Variants in SLC35F4 observed in about 807,000 individuals in gnomAD.
SLC35F4 encodes solute carrier family 35 member F4.
Under a neutral mutation model 44.2 loss-of-function variants are expected in SLC35F4, and 24 were observed. The observed-to-expected ratio is 0.54, with a 90% CI of 0.39 to 0.76. The LOEUF is 0.76. Ranked by LOEUF, SLC35F4 falls within the 30% of genes least tolerant of loss-of-function variation. The pLI is 0.00. For missense variants in SLC35F4, 562 were observed against 586.1 expected (o/e 0.96, Z 0.42); for synonymous variants, 238 against 223.6 (o/e 1.06, Z -0.57).
chr14:57,937,637 AAAGAAAAG>A (rs1889837694), intron 1 of SLC35F4, among the ~76,000 whole-genome samples: 1 of 134,438 alleles, frequency 7.4e-6, no homozygotes, highest in African/African-American at 3.0e-5. Flanking sequence ...AAAGAAAAGA[AAAGAAAAG>A]AAAAGAAAAA....
rs142879029 is a variant in SLC35F4 at position 57,885,729 on chromosome 14, C to A, written n.282+96184G>T. 9.2e-5 allele frequency among the ~76,000 whole-genome samples: 14 copies of A among 152,300 alleles called. 1 individual carries two copies. Among genetic ancestry groups the A allele is most frequent in the African/African-American group, 3.1e-4 (13 of 41,574 alleles). Reference sequence around the variant, plus strand: ...AACCAACATAGAGCTTTTTTATCATCACAGAATGTTCTATCAGAAAGCGCT... The same window carrying A: ...AACCAACATAGAGCTTTTTTATCATAACAGAATGTTCTATCAGAAAGCGCT... On this transcript the variant is annotated intron_variant and non_coding_transcript_variant, in intron 1 of 1. Coordinates refer to the SLC35F4 transcript ENST00000556568.
chr14:57,712,153 T>C (rs549298423), intron 1 of SLC35F4, among the ~76,000 whole-genome samples: 1 of 152,344 alleles, frequency 6.6e-6, no homozygotes, highest in Non-Finnish European at 1.5e-5. Context: ...ATAAGGTATA[T>C]TAGCCAGGGT....
chr14:57,937,623 AAG>A (rs1889835444), intron 1 of SLC35F4, among the ~76,000 whole-genome samples: 1 of 128,532 alleles, frequency 7.8e-6, no homozygotes, highest in Non-Finnish European at 1.6e-5. Context: ...AAGAAAAGAA[AAG>A]AAAAGAAAAG....
chr14:57,771,072 G>T (rs1268092606), intron 1 of SLC35F4, among the ~76,000 whole-genome samples: 2 of 151,984 alleles, frequency 1.3e-5, no homozygotes, highest in African/African-American at 4.8e-5. Flanking sequence ...ATCATTTCAG[G>T]GCCTGACTGC....
At chr14:57,679,798 C>T (rs911256135) in intron 1 of SLC35F4, among the ~76,000 whole-genome samples, 2 of 152,044 alleles carry the variant, frequency 1.3e-5, no homozygotes, top group Admixed American at 1.3e-4. Context: ...TTCCTAGACA[C>T]ATACACCCTC....
At chr14:57,764,405 G>C (rs1380206462) in intron 1 of SLC35F4, among the ~76,000 whole-genome samples, 3 of 152,130 alleles carry the variant, frequency 2.0e-5, no homozygotes, top group Admixed American at 2.0e-4. Context: ...AATTCTAGCT[G>C]TTTCAAACTG....
chr14:57,769,269 T>C (rs1016538966), intron 1 of SLC35F4, among the ~76,000 whole-genome samples: 4 of 152,068 alleles, frequency 2.6e-5, no homozygotes, highest in Admixed American at 2.6e-4. Flanking sequence ...TGGGCTCAAC[T>C]CACCCATGGG....
intron 1 of SLC35F4, among the ~76,000 whole-genome samples, chr14:57,798,229 TAACA>T (rs1239588245): frequency 1.4e-5 from 2 of 142,322 alleles, no homozygotes; most frequent in Non-Finnish European, 3.0e-5. Context: ...TACATGGAAA[TAACA>T]TATTGAAAAT....
intron 1 of SLC35F4, among the ~76,000 whole-genome samples, chr14:57,639,589 G>A (rs2073144721): frequency 6.6e-6 from 1 of 151,880 alleles, no homozygotes; most frequent in South Asian, 2.1e-4. Context: ...ATCTCAGAGT[G>A]AAGCTCCCAT....
intron 1 of SLC35F4, among the ~76,000 whole-genome samples, chr14:57,660,716 G>A (rs2074111515): frequency 6.6e-6 from 1 of 152,048 alleles, no homozygotes; most frequent in Non-Finnish European, 1.5e-5. Flanking sequence ...CTGTCATATT[G>A]TGAGCATTCT....
At chr14:57,939,061 G>A (rs1327994496) in intron 1 of SLC35F4, among the ~76,000 whole-genome samples, 1 of 152,008 alleles carries the variant, frequency 6.6e-6, no homozygotes, top group Non-Finnish European at 1.5e-5. Flanking sequence ...GAGCAAAGTG[G>A]GGAAATGCAT....
chr14:57,792,302 C>A (rs771510476), intron 1 of SLC35F4, among the ~76,000 whole-genome samples: 4 of 152,098 alleles, frequency 2.6e-5, no homozygotes, highest in Admixed American at 6.6e-5. Context: ...CCCTTCTACA[C>A]TGCTGGTAGG....
intron 1 of SLC35F4, among the ~76,000 whole-genome samples, chr14:57,640,347 T>C (rs544653838): frequency 1.1e-4 from 17 of 151,956 alleles, no homozygotes; most frequent in Non-Finnish European, 2.1e-4. Flanking sequence ...AAAAAAGAGA[T>C]AAAGAATTCC....
intron 1 of SLC35F4, among the ~76,000 whole-genome samples, chr14:57,903,673 A>G (rs544447154): frequency 6.6e-6 from 1 of 152,362 alleles, no homozygotes; most frequent in African/African-American, 2.4e-5. Context: ...TTTAAGTGTT[A>G]GTCCACTGTC....
intron 1 of SLC35F4, among the ~76,000 whole-genome samples, chr14:57,947,263 T>C (rs1890052687): frequency 6.6e-6 from 1 of 151,174 alleles, no homozygotes; most frequent in Non-Finnish European, 1.5e-5. Context: ...TTTTTTTTTT[T>C]TGGTTTGTTT....
chr14:57,927,834 C>A (rs1239117949), intron 1 of SLC35F4, among the ~76,000 whole-genome samples: 1 of 152,018 alleles, frequency 6.6e-6, no homozygotes, highest in East Asian at 1.9e-4. Context: ...TTTCACAGAA[C>A]AAAAGTCTTT....
intron 1 of SLC35F4, among the ~76,000 whole-genome samples, chr14:57,677,190 T>C (rs760322102): frequency 2.6e-5 from 4 of 151,998 alleles, no homozygotes; most frequent in Non-Finnish European, 5.9e-5. Context: ...TTCTCACTTA[T>C]AAGTAGGAGC....
chr14:57,708,218 T>C (rs1461617747), intron 1 of SLC35F4, among the ~76,000 whole-genome samples: 1 of 152,168 alleles, frequency 6.6e-6, no homozygotes, highest in Non-Finnish European at 1.5e-5. Flanking sequence ...CCAGTTCTGC[T>C]ATCCCAACCA....
intron 1 of SLC35F4, among the ~76,000 whole-genome samples, chr14:57,842,349 C>G (rs924924876): frequency 6.6e-6 from 1 of 152,168 alleles, no homozygotes; most frequent in African/African-American, 2.4e-5. Context: ...AAGAGATACC[C>G]TCTTGCTGGA....
Sources: gnomAD v4.1 joint callset for allele counts (sites outside exome capture counted in the v4.1 genomes callset) on GRCh38, gnomAD v4.1.1 for gene constraint, MANE v1.5 for transcripts, NCBI Gene and HGNC (gene_info 2026-07-23, HGNC 2026-07-21) for gene names.